The following DBF4B variants were observed in gnomAD, a reference collection of about 807,000 sequenced individuals.
DBF4B encodes the protein protein DBF4 homolog B.
DBF4B carries 49 observed loss-of-function variants against 53.4 expected under a neutral mutation model. The observed-to-expected ratio is 0.92, with a 90% CI of 0.73 to 1.16. DBF4B has a LOEUF of 1.16. Ranked by LOEUF, DBF4B falls within the 50% of genes most tolerant of loss-of-function variation. The pLI is 0.00. For synonymous variants in DBF4B, 257 were observed against 288.7 expected, an observed-to-expected ratio of 0.89 and a Z score of 1.11; for missense variants, 692 against 775.0, an observed-to-expected ratio of 0.89 and a Z score of 1.27.
intron 3 of DBF4B, among the ~76,000 whole-genome samples, chr17:44,728,174 T>C (rs1178104443): frequency 1.3e-5 from 2 of 152,134 alleles, no homozygotes; most frequent in East Asian, 3.9e-4. Context: ...GCACTCTGTG[T>C]CAGTTATCAT....
intron 2 of DBF4B, among the ~76,000 whole-genome samples, chr17:44,722,540 GC>G (rs890851716): frequency 2.6e-5 from 4 of 152,138 alleles, no homozygotes; most frequent in African/African-American, 9.7e-5. Flanking sequence ...GTGAATCTCG[GC>G]CCTCTTTTCC....
chr17:44,748,741 G>C, intron 13 of DBF4B: 5 of 1,360,206 alleles, frequency 3.7e-6, no homozygotes, highest in Non-Finnish European at 4.8e-6. Context: ...TAAGAAGAGA[G>C]TGGGGGCCTC....
chr17:44,748,752 C>T, intron 13 of DBF4B: 2 of 1,345,304 alleles, frequency 1.5e-6, no homozygotes, highest in Non-Finnish European at 2.0e-6. Context: ...TGGGGGCCTC[C>T]TGGCCACAGG....
chr17:44,710,001 A>C (rs60221055), intron 2 of DBF4B, among the ~76,000 whole-genome samples: 1 of 151,548 alleles, frequency 6.6e-6, no homozygotes. Context: ...GTGAAACCCC[A>C]TCTCTACTAA....
intron 1 of DBF4B, 32 bp downstream of exon 1, chr17:44,708,871 C>T (rs1365544310): frequency 1.3e-6 from 2 of 1,548,644 alleles, no homozygotes; most frequent in African/African-American, 1.4e-5. Flanking sequence ...GAAAGAAAGG[C>T]GGAAGGGGTC....
intron 10 of DBF4B, among the ~76,000 whole-genome samples, chr17:44,745,103 TA>T (rs1976469208): frequency 6.6e-6 from 1 of 152,138 alleles, no homozygotes; most frequent in African/African-American, 2.4e-5. Context: ...GGCTAATTTT[TA>T]TATTTTTTGT....
intron 9 of DBF4B, 68 bp downstream of exon 9, chr17:44,738,492 G>C: frequency 6.6e-7 from 1 of 1,522,834 alleles, no homozygotes; most frequent in Non-Finnish European, 9.0e-7. Context: ...AGGGAGGGGT[G>C]CTCAGGGGCC....
chr17:44,741,329 G>A lies in DBF4B; in HGVS notation c.714-7G>A, dbSNP rs1019667881. On this transcript the variant is annotated splice_polypyrimidine_tract_variant and splice_region_variant and intron_variant, in intron 9 of 13. Coordinates refer to ENST00000315005, the MANE Select transcript of DBF4B (RefSeq NM_145663.3). ...TGTAGTCAAAGTGGAAGTTTTCTCT[G>A]TTGCAGGAAGTTTCGTCCTTTCCAT... The A allele has an allele frequency of 3.7e-6, 6 of 1,601,054 alleles. No homozygotes were observed. The African/African-American group carries it at 5.4e-5, about 14-fold the overall frequency.
At chr17:44,750,255 T>G in intron 13 of DBF4B, 4 of 1,046,974 alleles carry the variant, frequency 3.8e-6, no homozygotes, top group Non-Finnish European at 4.6e-6. Flanking sequence ...TGGCCACTTT[T>G]TCTTTCATTA....
intron 9 of DBF4B, among the ~76,000 whole-genome samples, chr17:44,740,573 G>A (rs1009853637): frequency 5.3e-5 from 8 of 152,178 alleles, no homozygotes; most frequent in African/African-American, 1.7e-4. Flanking sequence ...GGAAATAACT[G>A]TTCTGGTTTA....
At chr17:44,713,680 A>ACTGAG (rs1487567336) in intron 2 of DBF4B, among the ~76,000 whole-genome samples, 1 of 149,028 alleles carries the variant, frequency 6.7e-6, no homozygotes, top group Non-Finnish European at 1.5e-5. Flanking sequence ...ATTATTCATC[A>ACTGAG]CTGAGCTATA....
chr17:44,731,286 T>C, intron 5 of DBF4B: 1 of 408,646 alleles, frequency 2.4e-6, no homozygotes, highest in South Asian at 2.3e-5. Context: ...CGGGACAGGG[T>C]TGCTGGGTAC....
chr17:44,734,190 C>T, intron 7 of DBF4B, 27 bp downstream of exon 7: 2 of 1,614,058 alleles, frequency 1.2e-6, no homozygotes, highest in Non-Finnish European at 1.7e-6. Context: ...AACTGAAGGA[C>T]AAATGGATGG....
chr17:44,723,771 T>A (rs536820054), intron 3 of DBF4B, among the ~76,000 whole-genome samples: 369 of 148,198 alleles, frequency 2.5e-3, no homozygotes, highest in South Asian at 2.6e-3. Context: ...AAAAAAAAAA[T>A]GATAAATAAA....
chr17:44,713,699 TAGG>T (rs1973099839), intron 2 of DBF4B, among the ~76,000 whole-genome samples: 1 of 108,838 alleles, frequency 9.2e-6, no homozygotes, highest in African/African-American at 4.9e-5. Context: ...TATAATAAGC[TAGG>T]AGATTTTCTT....
chr17:44,723,374 G>C (rs1196245076), intron 3 of DBF4B, among the ~76,000 whole-genome samples: 1 of 152,102 alleles, frequency 6.6e-6, no homozygotes, highest in East Asian at 1.9e-4. Flanking sequence ...CAAAGTGCTG[G>C]GATTACAGGC....
At chr17:44,738,480 G>A (rs1975683435) in intron 9 of DBF4B, 56 bp downstream of exon 9, 5 of 1,567,560 alleles carry the variant, frequency 3.2e-6, no homozygotes, top group East Asian at 4.5e-5. Context: ...AGAGGAGGGA[G>A]GAGGGAGGGG....
intron 3 of DBF4B, among the ~76,000 whole-genome samples, 181 bp from the exon 4 acceptor site, chr17:44,729,721 CACA>C (rs1974666235): frequency 1.4e-5 from 2 of 143,408 alleles, no homozygotes; most frequent in African/African-American, 2.6e-5. Context: ...CACACACACA[CACA>C]CACCCCATTA....
In DBF4B at chr17:44,751,511, G is replaced by T; in HGVS notation, c.*258G>T. 7.2e-7 allele frequency: 1 copy of T among 1,382,660 alleles called. No individual in the cohort carries two copies. Among genetic ancestry groups the T allele is most frequent in the South Asian group, 1.8e-5 (1 of 56,550 alleles). 85.6% of individuals were successfully genotyped at this position (1,382,660 alleles called of 1,614,324 possible). On this transcript the variant is annotated 3_prime_UTR_variant, in exon 14 of 14. Coordinates refer to ENST00000315005, the MANE Select transcript of DBF4B (RefSeq NM_145663.3). ...CCACAAGTCACACTGTCTGTCCCTG[G>T]CCCTCCAGCCCACCTCGCCAACCAC...
Sources: gnomAD v4.1 joint callset for allele counts (sites outside exome capture counted in the v4.1 genomes callset) on GRCh38, gnomAD v4.1.1 for gene constraint, MANE v1.5 for transcripts, NCBI Gene and HGNC (gene_info 2026-07-23, HGNC 2026-07-21) for gene names.